Variants in TRERF1 observed in about 807,000 individuals in gnomAD.
TRERF1 encodes transcriptional-regulating factor 1.
TRERF1 carries 27 observed loss-of-function variants against 122.9 expected under a neutral mutation model. The ratio of observed to expected loss-of-function variants is 0.22; its 90% CI spans 0.16 to 0.30. TRERF1 has a LOEUF of 0.30. Ranked by LOEUF, TRERF1 falls within the 10% of genes least tolerant of loss-of-function variation. The pLI, the probability that TRERF1 is intolerant of heterozygous loss-of-function variation, is 1.00. For missense variants in TRERF1, 1,248 were observed against 1,560.3 expected (o/e 0.80, Z 3.37); for synonymous variants, 636 against 641.7 (o/e 0.99, Z 0.13).
chr6:42,243,455 TAAAC>T, intron 14 of TRERF1, 94 bp from the exon 15 acceptor site: 1 of 900,794 alleles, frequency 1.1e-6, no homozygotes, highest in South Asian at 1.5e-5. Flanking sequence ...AATAGGGTAA[TAAAC>T]AAGTTTGTAC....
intron 3 of TRERF1, among the ~76,000 whole-genome samples, chr6:42,304,341 G>A (rs1249625209): frequency 1.3e-5 from 2 of 152,228 alleles, no homozygotes; most frequent in African/African-American, 4.8e-5. Flanking sequence ...TGTGAAATGA[G>A]GTTACTTAGC....
At chr6:42,428,854 C>T (rs554588014) in intron 2 of TRERF1, among the ~76,000 whole-genome samples, 9 of 152,226 alleles carry the variant, frequency 5.9e-5, no homozygotes, top group Admixed American at 2.0e-4. Flanking sequence ...CCCTCTCCCT[C>T]CCTTCCACAC....
At chr6:42,329,442 C>T (rs1197299850) in intron 3 of TRERF1, among the ~76,000 whole-genome samples, 1 of 152,072 alleles carries the variant, frequency 6.6e-6, no homozygotes, top group African/African-American at 2.4e-5. Flanking sequence ...TGTGAAGGCT[C>T]AGGTGGGGAC....
chr6:42,440,920 G>GC (rs1786395250), intron 2 of TRERF1, among the ~76,000 whole-genome samples: 2 of 152,072 alleles, frequency 1.3e-5, no homozygotes, highest in Admixed American at 6.5e-5. Context: ...TAGCCCTGCT[G>GC]CCCCCTCCTC....
intron 13 of TRERF1, among the ~76,000 whole-genome samples, chr6:42,248,481 T>A (rs2149646634): frequency 6.6e-6 from 1 of 151,654 alleles, no homozygotes; most frequent in East Asian, 1.9e-4. Flanking sequence ...GCCTCCTGAG[T>A]AGATGAGATT....
chr6:42,287,617 C>A (rs1783501537), intron 4 of TRERF1, among the ~76,000 whole-genome samples: 1 of 152,176 alleles, frequency 6.6e-6, no homozygotes, highest in Non-Finnish European at 1.5e-5. Flanking sequence ...CTTCACTTAA[C>A]TGAAACAACT....
At chr6:42,345,546 A>C (rs1189667247) in intron 3 of TRERF1, among the ~76,000 whole-genome samples, 2 of 152,210 alleles carry the variant, frequency 1.3e-5, no homozygotes, top group Non-Finnish European at 1.5e-5. Flanking sequence ...AAATTCTAAA[A>C]ACCAAAAGCT....
At chr6:42,394,885 C>T (rs1778319300) in intron 2 of TRERF1, among the ~76,000 whole-genome samples, 1 of 152,224 alleles carries the variant, frequency 6.6e-6, no homozygotes. Flanking sequence ...CCCCCCAACA[C>T]ATTGTGCTTT....
intron 2 of TRERF1, among the ~76,000 whole-genome samples, chr6:42,383,616 G>A (rs572832472): frequency 3.0e-4 from 45 of 152,234 alleles, no homozygotes; most frequent in African/African-American, 9.4e-4. Flanking sequence ...AGCCTCCAAT[G>A]CAGCAATGGC....
At chr6:42,359,549 C>T (rs932014239) in intron 3 of TRERF1, among the ~76,000 whole-genome samples, 1 of 152,114 alleles carries the variant, frequency 6.6e-6, no homozygotes, top group African/African-American at 2.4e-5. Context: ...CATGGTGAAA[C>T]CCCATCTCTA....
intron 3 of TRERF1, among the ~76,000 whole-genome samples, chr6:42,327,186 T>C (rs1290206181): frequency 6.6e-6 from 1 of 152,162 alleles, no homozygotes; most frequent in East Asian, 1.9e-4. Flanking sequence ...GAGAAGGGGA[T>C]GTGCTTGTTG....
intron 17 of TRERF1, among the ~76,000 whole-genome samples, chr6:42,229,125 TTTG>T (rs372117238): frequency 0.012 from 1,861 of 152,004 alleles, 42 homozygotes; most frequent in African/African-American, 0.042. Flanking sequence ...AGTTGTTGGT[TTTG>T]TTGTTGTTGT....
intron 3 of TRERF1, among the ~76,000 whole-genome samples, chr6:42,359,575 T>C (rs1771295667): frequency 6.6e-6 from 1 of 152,056 alleles, no homozygotes; most frequent in African/African-American, 2.4e-5. Context: ...AATACAAAAA[T>C]TAGCTGGGCG....
chr6:42,234,249 T>C (rs1389813478), intron 16 of TRERF1, among the ~76,000 whole-genome samples: 1 of 152,182 alleles, frequency 6.6e-6, no homozygotes, highest in Non-Finnish European at 1.5e-5. Flanking sequence ...CTTGTTAAAC[T>C]CATCAGCTAA....
At chr6:42,330,050 T>G (rs1056468550) in intron 3 of TRERF1, among the ~76,000 whole-genome samples, 1 of 152,110 alleles carries the variant, frequency 6.6e-6, no homozygotes, top group Non-Finnish European at 1.5e-5. Context: ...ATAAATTCAA[T>G]GTCAACAAAA....
chr6:42,280,116 G>A (rs912795076), intron 4 of TRERF1, among the ~76,000 whole-genome samples: 13 of 152,024 alleles, frequency 8.6e-5, no homozygotes, highest in Admixed American at 2.0e-4. Context: ...AAATACCGGC[G>A]GCGACACCGA....
chr6:42,321,785 A>G (rs1289916027), intron 3 of TRERF1, among the ~76,000 whole-genome samples: 1 of 152,182 alleles, frequency 6.6e-6, no homozygotes, highest in Non-Finnish European at 1.5e-5. Context: ...TATAAAAAAA[A>G]CTCTACCAAT....
intron 17 of TRERF1, among the ~76,000 whole-genome samples, chr6:42,229,263 G>A (rs918379285): frequency 6.6e-6 from 1 of 151,924 alleles, no homozygotes; most frequent in African/African-American, 2.4e-5. Flanking sequence ...TGAGCCTCTC[G>A]ATTAGCTAGG....
intron 3 of TRERF1, among the ~76,000 whole-genome samples, chr6:42,308,858 G>T (rs929526790): frequency 6.6e-6 from 1 of 152,092 alleles, no homozygotes; most frequent in East Asian, 1.9e-4. Context: ...CCTGGGTGAT[G>T]AAATAATCTG....
Sources: gnomAD v4.1 joint callset for allele counts (sites outside exome capture counted in the v4.1 genomes callset) on GRCh38, gnomAD v4.1.1 for gene constraint, MANE v1.5 for transcripts, NCBI Gene and HGNC (gene_info 2026-07-23, HGNC 2026-07-21) for gene names.